The following EPB41L1 variants were observed in gnomAD, a reference collection of about 807,000 sequenced individuals.
EPB41L1 encodes erythrocyte membrane protein band 4.1 like 1.
In EPB41L1, 29 loss-of-function variants were observed where a neutral mutation model predicts 97.8. The ratio of observed to expected loss-of-function variants is 0.30; its 90% CI spans 0.22 to 0.40. The LOEUF is 0.40. Ranked by LOEUF, EPB41L1 falls within the 10% of genes least tolerant of loss-of-function variation. The pLI is 1.00. For synonymous variants in EPB41L1, 383 were observed against 459.2 expected, an observed-to-expected ratio of 0.83 and a Z score of 2.12; for missense variants, 812 against 1,162.3, an observed-to-expected ratio of 0.70 and a Z score of 4.38.
At chr20:36,136,898 T>G (rs2059437795) in intron 2 of EPB41L1, among the ~76,000 whole-genome samples, 4 of 152,048 alleles carry the variant, frequency 2.6e-5, no homozygotes, top group Admixed American at 2.6e-4. Flanking sequence ...TAAAATTTAC[T>G]TTTCCACGGC....
chr20:36,173,167 C>T lies in EPB41L1; in HGVS notation c.-14-597C>T, dbSNP rs573322062. ...TCGGGGACTGAGCCTGTTCTTTTGACTTTTACATCGTCAAGCCTGCGCGTT... is the reference window on the plus strand; with the variant it reads ...TCGGGGACTGAGCCTGTTCTTTTGATTTTTACATCGTCAAGCCTGCGCGTT... On this transcript the variant is annotated intron_variant, in intron 1 of 21. Coordinates refer to ENST00000338074, the MANE Select transcript of EPB41L1 (RefSeq NM_012156.2). Among the ~76,000 whole-genome samples, 7 of 152,322 alleles carry T rather than the reference C, an allele frequency of 4.6e-5. No individual in the cohort carries two copies. The East Asian group carries it at 1.4e-3, about 29-fold the overall frequency.
chr20:36,180,431 C>T (rs2061430699), intron 5 of EPB41L1, among the ~76,000 whole-genome samples: 1 of 152,158 alleles, frequency 6.6e-6, no homozygotes, highest in Non-Finnish European at 1.5e-5. Context: ...TTCTCCTTGG[C>T]CAGTGGATTA....
intron 1 of EPB41L1, among the ~76,000 whole-genome samples, chr20:36,167,685 G>C (rs1431758033): frequency 4.0e-5 from 6 of 151,608 alleles, no homozygotes; most frequent in Non-Finnish European, 8.8e-5. Context: ...TCCAGCCTGG[G>C]CCATGGAGTG....
chr20:36,195,510 G>A lies in EPB41L1; in HGVS notation c.1485+146G>A. 1 of 959,572 alleles carries A rather than the reference G, an allele frequency of 1.0e-6. No individual in the cohort carries two copies. The highest frequency in any genetic ancestry group is 1.6e-6 in the Non-Finnish European group (1 of 614,390). 59.4% of individuals were successfully genotyped at this position (959,572 alleles called of 1,614,324 possible). On this transcript the variant is annotated intron_variant, in intron 13 of 21. Transcript: ENST00000338074. This position sits in a 1 kb window ranked among gnomAD's most constrained non-coding sequence, Gnocchi z 4.6. ...TGCTCCCCAGCCATCCCCCTCTGCA[G>A]CCGTCCTTGCTCCCCACTCCGCCAC...
chr20:36,142,633 G>A (rs990306468), intron 2 of EPB41L1, among the ~76,000 whole-genome samples: 6 of 152,196 alleles, frequency 3.9e-5, no homozygotes, highest in African/African-American at 9.7e-5. Context: ...CGGATTGGGC[G>A]GAGGGAGGCA....
chr20:36,103,511 T>A (rs1382549368), intron 1 of EPB41L1, among the ~76,000 whole-genome samples: 1 of 152,134 alleles, frequency 6.6e-6, no homozygotes, highest in Non-Finnish European at 1.5e-5. Context: ...GATCACTTCC[T>A]CTCTCCGAGC....
At chr20:36,148,014 C>T (rs1278165692) in intron 2 of EPB41L1, among the ~76,000 whole-genome samples, 3 of 151,998 alleles carry the variant, frequency 2.0e-5, no homozygotes, top group East Asian at 3.9e-4. Context: ...GAAACATAGC[C>T]GAGGTGGAGA....
rs2146479107 is a variant in EPB41L1, at chr20:36,195,670, C to G, written c.1485+306C>G. Among the ~76,000 whole-genome samples the G allele has an allele frequency of 6.6e-6, 1 of 151,998 alleles. No homozygotes were observed. Among genetic ancestry groups the G allele is most frequent in the Non-Finnish European group, 1.5e-5 (1 of 67,942 alleles). On this transcript the variant is annotated intron_variant, in intron 13 of 21. Transcript: ENST00000338074. The surrounding 1 kb of genome is among the most constrained non-coding windows in gnomAD (Gnocchi z 4.6). ...TACTTGCAGCTCACCTGCTGACCATCCCACCTGCACCACCAGCTCTTCCAG... is the reference window on the plus strand; with the variant it reads ...TACTTGCAGCTCACCTGCTGACCATGCCACCTGCACCACCAGCTCTTCCAG...
intron 14 of EPB41L1, among the ~76,000 whole-genome samples, chr20:36,204,134 C>T (rs1472168296): frequency 6.6e-6 from 1 of 152,160 alleles, no homozygotes. Flanking sequence ...CCACTTGCTC[C>T]CTGTATGGCC....
In EPB41L1 at chr20:36,229,404, C is replaced by T; in HGVS notation, c.*64C>T. 6.4e-7 allele frequency: 1 copy of T among 1,563,206 alleles called. No individual in the cohort carries two copies. The highest frequency in any genetic ancestry group is 8.8e-7 in the Non-Finnish European group (1 of 1,134,212). ...AGCCAGAGAACCATTAAGAAGGGGC[C>T]TTCATTCTGGATTCTCCGACGCAAC... On this transcript the variant is annotated 3_prime_UTR_variant, in exon 22 of 22. Transcript: ENST00000338074.
chr20:36,108,316 A>G (rs1227541744), intron 1 of EPB41L1, among the ~76,000 whole-genome samples: 1 of 151,942 alleles, frequency 6.6e-6, no homozygotes, highest in African/African-American at 2.4e-5. Flanking sequence ...GTTGAGATAG[A>G]TATATTGGGT....
intron 9 of EPB41L1, 96 bp downstream of exon 9, chr20:36,188,595 C>T (rs974768595): frequency 6.3e-6 from 3 of 477,250 alleles, no homozygotes; most frequent in South Asian, 3.6e-5. Context: ...CACACACACA[C>T]ACACACACAC....
Position 36,092,453 on chromosome 20 carries a change from C to T in EPB41L1, c.-65+841C>T, listed in dbSNP as rs1251832365. On this transcript the variant is annotated intron_variant, in intron 1 of 19. Coordinates refer to the EPB41L1 transcript ENST00000202028. The surrounding 1 kb of genome is among the most constrained non-coding windows in gnomAD (Gnocchi z 7.0). ...GCGGGGCTCAGCCCCTTCCTCTGCT[C>T]CCCTCCCCGGGACCGGCGCGCGGCC... 2.6e-5 allele frequency among the ~76,000 whole-genome samples: 4 copies of T among 152,066 alleles called. No individual in the cohort carries two copies. Among genetic ancestry groups the T allele is most frequent in the South Asian group, 4.1e-4 (2 of 4,820 alleles).
At position 36,212,213 on chromosome 20, in the gene EPB41L1, G is replaced by C; in HGVS notation, c.2080-59G>C. 6.5e-7 allele frequency: 1 copy of C among 1,533,934 alleles called. No homozygotes were observed. Among genetic ancestry groups the C allele is most frequent in the Admixed American group, 1.7e-5 (1 of 59,760 alleles). On this transcript the variant is annotated intron_variant, in intron 15 of 21. Coordinates refer to ENST00000338074, the MANE Select transcript of EPB41L1 (RefSeq NM_012156.2). The surrounding 1 kb of genome is among the most constrained non-coding windows in gnomAD (Gnocchi z 4.8). ...TGCAGACACCACACTGCAATTGTCT[G>C]TGAGCAAGGGTCATGCTAGGGTTTC...
rs1421895247 is a variant in EPB41L1 at position 36,207,058 on chromosome 20, T to C, written c.1669-2430T>C. 1 of 1,289,602 alleles carries C rather than the reference T, an allele frequency of 7.8e-7. No homozygotes were observed. The highest frequency in any genetic ancestry group is 1.0e-6 in the Non-Finnish European group (1 of 988,796). 79.9% of individuals were successfully genotyped at this position (1,289,602 alleles called of 1,614,324 possible). ...GCTGAAGGACCGCGAGGCTTCAGCA[T>C]TTCTTCACATGGAGGTGATCATTCC... On this transcript the variant is annotated intron_variant, in intron 14 of 21. Transcript: ENST00000338074. This position sits in a 1 kb window ranked among gnomAD's most constrained non-coding sequence, Gnocchi z 4.9.
chr20:36,154,209 C>A (rs2060173374), upstream of EPB41L1, among the ~76,000 whole-genome samples: 4 of 152,144 alleles, frequency 2.6e-5, no homozygotes, highest in Admixed American at 1.3e-4. This position sits in a 1 kb window ranked among gnomAD's most constrained non-coding sequence, Gnocchi z 5.5. Flanking sequence ...TGCCCTGTCG[C>A]TGTGCTGCAG....
intron 2 of EPB41L1, among the ~76,000 whole-genome samples, chr20:36,144,448 G>A (rs1437065283): frequency 1.3e-5 from 2 of 152,166 alleles, no homozygotes; most frequent in Non-Finnish European, 2.9e-5. Context: ...GGGCAGCTGA[G>A]CCCTCACCTC....
At chr20:36,197,722 G>A (rs1308537830) in intron 13 of EPB41L1, 137 bp from the exon 14 acceptor site, 44 of 1,560,872 alleles carry the variant, frequency 2.8e-5, no homozygotes, top group Admixed American at 5.7e-5. Flanking sequence ...GGGCTGCCAT[G>A]AGAGTGACAC....
chr20:36,206,920 T>C lies in EPB41L1; in HGVS notation c.1669-2568T>C, dbSNP rs1220708691. ...GGGCGTGCATCCCGACCCCCAGGCC[T>C]GCGCCCTTCCTCGGGCCATCCCTCT... On this transcript the variant is annotated intron_variant, in intron 14 of 21. Transcript: ENST00000338074. The surrounding 1 kb of genome is among the most constrained non-coding windows in gnomAD (Gnocchi z 5.5). 5 of 1,289,830 alleles carry C rather than the reference T, an allele frequency of 3.9e-6. No individual in the cohort carries two copies. The African/African-American group carries it at 7.6e-5, about 20-fold the overall frequency. The allele number at this position is 1,289,830 out of a possible 1,614,324, so 79.9% of individuals were successfully genotyped here.
Sources: gnomAD v4.1 joint callset for allele counts (sites outside exome capture counted in the v4.1 genomes callset) on GRCh38, gnomAD v4.1.1 for gene constraint, Gnocchi (gnomAD v3.1) non-coding constraint, MANE v1.5 for transcripts, NCBI Gene and HGNC (gene_info 2026-07-23, HGNC 2026-07-21) for gene names.